The following CRLF3 variants were observed in gnomAD, a reference collection of about 807,000 sequenced individuals.
CRLF3 encodes cytokine receptor-like factor 3.
CRLF3 carries 33 observed loss-of-function variants against 55.0 expected under a neutral mutation model. The observed-to-expected ratio is 0.60, with a 90% CI of 0.46 to 0.80. The LOEUF is 0.80. Ranked by LOEUF, CRLF3 falls within the 30% of genes least tolerant of loss-of-function variation. The pLI is 0.00. For missense variants in CRLF3, 494 were observed against 538.4 expected (o/e 0.92, Z 0.82); for synonymous variants, 238 against 196.8 (o/e 1.21, Z -1.75).
intron 1 of CRLF3, among the ~76,000 whole-genome samples, chr17:30,806,070 A>C (rs1480712840): frequency 1.3e-5 from 2 of 152,046 alleles, no homozygotes; most frequent in Non-Finnish European, 2.9e-5. Context: ...CAAACAAAAA[A>C]ACTCATGGAT....
intron 1 of CRLF3, among the ~76,000 whole-genome samples, chr17:30,808,246 T>TTTTC (rs1904481813): frequency 6.6e-6 from 1 of 151,932 alleles, no homozygotes; most frequent in Admixed American, 6.6e-5. Context: ...CATGAATTTT[T>TTTTC]TTTCTTTCCT....
intron 4 of CRLF3, among the ~76,000 whole-genome samples, chr17:30,794,217 G>A (rs1437349257): frequency 6.6e-6 from 1 of 152,126 alleles, no homozygotes; most frequent in East Asian, 1.9e-4. Flanking sequence ...GAAATGGCAT[G>A]TTTTTTAATC....
At chr17:30,823,593 C>T (rs750905654) in intron 1 of CRLF3, among the ~76,000 whole-genome samples, 7 of 151,336 alleles carry the variant, frequency 4.6e-5, no homozygotes, top group Non-Finnish European at 1.0e-4. Flanking sequence ...ATCCCACTCA[C>T]TCAAAAAGCA....
At chr17:30,792,361 T>C (rs930113241) in intron 6 of CRLF3, 79 bp downstream of exon 6, 25 of 1,340,110 alleles carry the variant, frequency 1.9e-5, no homozygotes, top group Non-Finnish European at 2.5e-5. Flanking sequence ...TCAGGATGTT[T>C]TGAATTCAAA....
At chr17:30,792,360 T>G (rs1283693097) in intron 6 of CRLF3, 80 bp downstream of exon 6, 24 of 1,332,322 alleles carry the variant, frequency 1.8e-5, no homozygotes, top group Non-Finnish European at 2.4e-5. Context: ...CTCAGGATGT[T>G]TTGAATTCAA....
At chr17:30,804,196 T>C (rs1282859869) in intron 1 of CRLF3, 88 bp from the exon 2 acceptor site, 3 of 830,216 alleles carry the variant, frequency 3.6e-6, no homozygotes, top group African/African-American at 3.4e-5. Flanking sequence ...AAAAGCACTG[T>C]ATAACCATCT....
intron 4 of CRLF3, among the ~76,000 whole-genome samples, chr17:30,794,066 TCAAG>T (rs1239513693): frequency 3.9e-5 from 6 of 152,082 alleles, no homozygotes; most frequent in Non-Finnish European, 5.9e-5. Flanking sequence ...ACTCCTGAGC[TCAAG>T]CAATCTTCTC....
chr17:30,804,144 C>A (rs1972050213), intron 1 of CRLF3, 36 bp from the exon 2 acceptor site: 9 of 1,499,788 alleles, frequency 6.0e-6, no homozygotes, highest in African/African-American at 2.8e-5. Flanking sequence ...AAATCAGAAT[C>A]TTTAAAAAAG....
chr17:30,788,870 T>C (rs1971716532), intron 6 of CRLF3, among the ~76,000 whole-genome samples: 1 of 151,878 alleles, frequency 6.6e-6, no homozygotes. Flanking sequence ...CCTCCCAAAG[T>C]GCTGGGATTA....
At position 30,796,164 on chromosome 17, in the gene CRLF3, C is replaced by T; in HGVS notation, c.599G>A (p.Cys200Tyr). ...EKPGGIIVRW[C>Y]KVDDDFTAQD... ...CTAGAATTCTGAATTACATACCTTA[C>T]ACCATCGTACAATGATGCCTCCAGG... The change falls in exon 4 of 8, where the codon TGT becomes TAT. Residue 200 changes from cysteine (C) to tyrosine (Y), a missense_variant. By Grantham distance (194) the Cys-to-Tyr change is radical. Transcript: ENST00000324238. The T allele has an allele frequency of 1.2e-6, 2 of 1,607,798 alleles. No individual in the cohort carries two copies. The highest frequency in any genetic ancestry group is 8.5e-7 in the Non-Finnish European group (1 of 1,176,392).
intron 1 of CRLF3, among the ~76,000 whole-genome samples, chr17:30,819,626 C>T (rs749335007): frequency 8.6e-4 from 131 of 152,156 alleles, no homozygotes; most frequent in Non-Finnish European, 1.5e-3. Context: ...TACAGGTGCA[C>T]GCTACCACAC....
chr17:30,794,222 T>C (rs1301880832), intron 4 of CRLF3, among the ~76,000 whole-genome samples: 1 of 152,162 alleles, frequency 6.6e-6, no homozygotes, highest in Non-Finnish European at 1.5e-5. Flanking sequence ...GGCATGTTTT[T>C]TAATCAATGC....
chr17:30,800,064 G>C (rs1369257945), intron 2 of CRLF3, among the ~76,000 whole-genome samples: 1 of 152,170 alleles, frequency 6.6e-6, no homozygotes, highest in South Asian at 2.1e-4. Flanking sequence ...GGGACCAAAA[G>C]AAGATTAACT....
In CRLF3 at chr17:30,783,943, A is replaced by G. The variant is rs1458234178; in HGVS notation, c.*244T>C. The G allele has an allele frequency of 1.6e-5, 7 of 432,386 alleles. 1 individual carries two copies. Among genetic ancestry groups the G allele is most frequent in the Non-Finnish European group, 2.1e-5 (5 of 242,554 alleles). 26.8% of individuals were successfully genotyped at this position (432,386 alleles called of 1,614,324 possible). A position where few individuals can be genotyped will look rare whatever the true frequency, so the allele number is the denominator to read the frequency against. On this transcript the variant is annotated 3_prime_UTR_variant, in exon 8 of 8. Coordinates refer to ENST00000324238, the MANE Select transcript of CRLF3 (RefSeq NM_015986.4). ...TATATCTTCTATACTTTTAATGCCA[A>G]TTTGATTTTTATTGTGATGTGATAT... is the stretch of plus-strand genomic sequence containing the variant.
chr17:30,819,047 T>C (rs1182533098), intron 1 of CRLF3, among the ~76,000 whole-genome samples: 1 of 148,844 alleles, frequency 6.7e-6, no homozygotes, highest in East Asian at 2.0e-4. Flanking sequence ...AAACTCCTGA[T>C]CTCATGTGAT....
intron 1 of CRLF3, among the ~76,000 whole-genome samples, chr17:30,812,923 A>G (rs1027496460): frequency 2.0e-5 from 3 of 152,182 alleles, no homozygotes; most frequent in Non-Finnish European, 4.4e-5. Context: ...CAGGTATGCC[A>G]GTGTTCCAAC....
intron 1 of CRLF3, among the ~76,000 whole-genome samples, chr17:30,805,337 G>A (rs1486762387): frequency 6.6e-6 from 1 of 152,154 alleles, no homozygotes; most frequent in Non-Finnish European, 1.5e-5. Flanking sequence ...CTTGAAAAGT[G>A]TACGTTTCAA....
chr17:30,813,209 C>T (rs1167889978), intron 1 of CRLF3, among the ~76,000 whole-genome samples: 1 of 152,076 alleles, frequency 6.6e-6, no homozygotes, highest in East Asian at 1.9e-4. Flanking sequence ...ATCATCAAGA[C>T]CAAGACAATC....
intron 5 of CRLF3, chr17:30,792,938 C>CAT (rs1971841084): frequency 6.4e-6 from 1 of 155,052 alleles, no homozygotes; most frequent in Non-Finnish European, 1.4e-5. Context: ...AAGAGGATTG[C>CAT]TTGAGCCCAG....
Sources: gnomAD v4.1 joint callset for allele counts (sites outside exome capture counted in the v4.1 genomes callset) on GRCh38, gnomAD v4.1.1 for gene constraint, MANE v1.5 for transcripts, NCBI Gene and HGNC (gene_info 2026-07-23, HGNC 2026-07-21) for gene names.